Variants in CELF2 observed in about 807,000 individuals in gnomAD.
CELF2 encodes the protein CUG triplet repeat RNA-binding protein 2.
A neutral mutation model predicts 62.6 loss-of-function variants in CELF2; 8 were observed. The observed-to-expected ratio is 0.13, with a 90% CI of 0.07 to 0.23. The LOEUF (loss-of-function observed/expected upper bound fraction) is 0.23, where lower values mean the gene tolerates loss of function less well. Ranked by LOEUF, CELF2 falls within the 10% of genes least tolerant of loss-of-function variation. The pLI is 1.00. For missense variants in CELF2, 333 were observed against 671.0 expected (o/e 0.50, Z 5.56); for synonymous variants, 258 against 250.0 (o/e 1.03, Z -0.30).
rs1053565561 is a variant in CELF2 at position 11,026,406 on chromosome 10, T to G, written c.74+8243T>G. Among the ~76,000 whole-genome samples, 2 of 152,200 alleles carry G rather than the reference T, an allele frequency of 1.3e-5. 1 individual carries two copies. The highest frequency in any genetic ancestry group is 2.9e-5 in the Non-Finnish European group (2 of 68,038). On this transcript the variant is annotated intron_variant, in intron 1 of 12. Coordinates refer to ENST00000633077, the MANE Select transcript of CELF2 (RefSeq NM_001326342.2). The stretch of plus-strand genomic sequence containing the variant: ...CCGCCACACACACCCAGGTGTTTTC[T>G]CTTTGGAACTCGGGGGGAAGACATT...
intron 1 of CELF2, among the ~76,000 whole-genome samples, chr10:10,879,975 CA>C (rs1388215379): frequency 1.3e-5 from 2 of 152,194 alleles, no homozygotes; most frequent in Non-Finnish European, 2.9e-5. Flanking sequence ...TGAACTCAAG[CA>C]GTTCAATTTT....
intron 2 of CELF2, among the ~76,000 whole-genome samples, chr10:10,977,657 A>G (rs1401086225): frequency 6.6e-6 from 1 of 152,252 alleles, no homozygotes; most frequent in East Asian, 1.9e-4. Context: ...AAATCTTTGC[A>G]GTTTCTTTAA....
chr10:10,631,376 C>G, the CELF2 span, among the ~76,000 whole-genome samples: 1 of 152,154 alleles, frequency 6.6e-6, no homozygotes, highest in Non-Finnish European at 1.5e-5. Flanking sequence ...TTGGAACTAA[C>G]CTTCCGTCTC....
the CELF2 span, among the ~76,000 whole-genome samples, chr10:10,537,311 C>T: frequency 9.2e-5 from 14 of 152,160 alleles, no homozygotes; most frequent in African/African-American, 3.1e-4. Context: ...GCTTTATAAC[C>T]GGCCCAGGAA....
chr10:11,042,805 GT>G (rs1564490357), intron 1 of CELF2, among the ~76,000 whole-genome samples: 1 of 152,036 alleles, frequency 6.6e-6, no homozygotes, highest in Non-Finnish European at 1.5e-5. Context: ...GTGGCCTCTT[GT>G]GTCTGGCTTT....
At chr10:10,973,047 T>C (rs1046575238) in intron 2 of CELF2, among the ~76,000 whole-genome samples, 1 of 152,054 alleles carries the variant, frequency 6.6e-6, no homozygotes, top group Non-Finnish European at 1.5e-5. Context: ...CTCAGCACTT[T>C]GGGAGGCCGA....
chr10:10,644,121 A>G, the CELF2 span, among the ~76,000 whole-genome samples: 5 of 152,204 alleles, frequency 3.3e-5, no homozygotes, highest in Non-Finnish European at 5.9e-5. Flanking sequence ...TGAGGCTGCA[A>G]CTGAAGCTTT....
the CELF2 span, among the ~76,000 whole-genome samples, chr10:10,513,092 C>G: frequency 1.3e-5 from 2 of 152,142 alleles, no homozygotes; most frequent in African/African-American, 4.8e-5. Context: ...TGGTTATGCA[C>G]AATGATAATA....
At chr10:10,493,121 C>T in the CELF2 span, among the ~76,000 whole-genome samples, 1,063 of 152,276 alleles carry the variant, frequency 7.0e-3, 6 homozygotes, top group Middle Eastern at 0.02. Flanking sequence ...CATTCTGACA[C>T]ATGTTACAAC....
chr10:10,817,980 G>A (rs1319313311), intron 1 of CELF2, among the ~76,000 whole-genome samples: 2 of 152,084 alleles, frequency 1.3e-5, no homozygotes, highest in African/African-American at 2.4e-5. Flanking sequence ...GAATCTCTGA[G>A]GTAGCCGACC....
chr10:11,222,425 G>C (rs2065132883), intron 3 of CELF2, among the ~76,000 whole-genome samples: 1 of 152,194 alleles, frequency 6.6e-6, no homozygotes, highest in African/African-American at 2.4e-5. Context: ...ACTGGGCCAA[G>C]TTAGAGTATT....
the CELF2 span, among the ~76,000 whole-genome samples, chr10:10,489,064 A>T: frequency 2.6e-5 from 4 of 152,082 alleles, no homozygotes; most frequent in Non-Finnish European, 5.9e-5. Flanking sequence ...TGCGGTTCTG[A>T]TACACATCTC....
chr10:11,091,565 C>T (rs1165764293), intron 1 of CELF2, among the ~76,000 whole-genome samples: 1 of 152,176 alleles, frequency 6.6e-6, no homozygotes, highest in Non-Finnish European at 1.5e-5. Context: ...GGAAATACTA[C>T]GTTGCAGCCT....
chr10:10,696,845 G>A, the CELF2 span, among the ~76,000 whole-genome samples: 15 of 152,312 alleles, frequency 9.8e-5, no homozygotes, highest in Admixed American at 3.9e-4. Context: ...TTCGGCTAGC[G>A]CACGGTGCGT....
At chr10:11,161,732 G>C (rs892492366) in intron 1 of CELF2, among the ~76,000 whole-genome samples, 1 of 152,212 alleles carries the variant, frequency 6.6e-6, no homozygotes, top group Non-Finnish European at 1.5e-5. Flanking sequence ...AGGGAGTGAA[G>C]AGAAGCAAGC....
chr10:10,680,296 G>C, the CELF2 span, among the ~76,000 whole-genome samples: 32 of 152,258 alleles, frequency 2.1e-4, no homozygotes, highest in South Asian at 4.1e-4. Flanking sequence ...ACTACCTTCA[G>C]GTTTGAAAAT....
intron 9 of CELF2, among the ~76,000 whole-genome samples, chr10:11,289,416 A>G (rs989457360): frequency 6.6e-5 from 10 of 152,202 alleles, no homozygotes; most frequent in Admixed American, 2.6e-4. Context: ...ACACACATCG[A>G]AAACTACAGC....
chr10:10,863,083 T>C (rs978916881), intron 1 of CELF2, among the ~76,000 whole-genome samples: 1 of 152,158 alleles, frequency 6.6e-6, no homozygotes, highest in African/African-American at 2.4e-5. Context: ...AAGAGGCTGG[T>C]GTAGCCAGAG....
chr10:10,615,977 C>T, the CELF2 span, among the ~76,000 whole-genome samples: 1 of 152,066 alleles, frequency 6.6e-6, no homozygotes, highest in Non-Finnish European at 1.5e-5. Flanking sequence ...ATTATATAAA[C>T]CTCTTGCAAG....
Sources: gnomAD v4.1 joint callset for allele counts (sites outside exome capture counted in the v4.1 genomes callset) on GRCh38, gnomAD v4.1.1 for gene constraint, MANE v1.5 for transcripts, NCBI Gene and HGNC (gene_info 2026-07-23, HGNC 2026-07-21) for gene names.